Variants in FBXW7 observed in about 807,000 individuals in gnomAD.
The protein encoded by FBXW7 is F-box and WD repeat domain containing 7.
A neutral mutation model predicts 86.3 loss-of-function variants in FBXW7; 11 were observed. The observed-to-expected ratio is 0.13, with a 90% CI of 0.08 to 0.21. FBXW7 has a LOEUF of 0.21. Ranked by LOEUF, FBXW7 falls within the 10% of genes least tolerant of loss-of-function variation. The pLI is 1.00. For missense variants in FBXW7, 488 were observed against 847.4 expected (o/e 0.58, Z 5.27); for synonymous variants, 313 against 297.9 (o/e 1.05, Z -0.52).
At chr4:152,457,942 A>AAAAAAAAAGT (rs1742582910) in intron 2 of FBXW7, among the ~76,000 whole-genome samples, 1 of 151,986 alleles carries the variant, frequency 6.6e-6, no homozygotes, top group Non-Finnish European at 1.5e-5. Flanking sequence ...CCTACTAAAA[A>AAAAAAAAAGT]AAAAAAAAGT....
intron 2 of FBXW7, among the ~76,000 whole-genome samples, chr4:152,523,812 C>A (rs940666046): frequency 6.6e-6 from 1 of 152,162 alleles, no homozygotes; most frequent in Non-Finnish European, 1.5e-5. Flanking sequence ...GACACATCAT[C>A]TATTTTGTTT....
chr4:152,439,200 T>C (rs190447287), intron 2 of FBXW7, among the ~76,000 whole-genome samples: 122 of 152,162 alleles, frequency 8.0e-4, no homozygotes, highest in East Asian at 1.4e-3. Context: ...TGAGTACAGA[T>C]AGAAAATCCA....
At chr4:152,350,173 T>C (rs750773699) in intron 4 of FBXW7, 49 bp from the exon 5 acceptor site, 1 of 1,142,068 alleles carries the variant, frequency 8.8e-7, no homozygotes, top group Admixed American at 2.2e-5. Flanking sequence ...CGTCTAACTA[T>C]CAAATCTTGA....
At chr4:152,432,286 AC>A (rs2126953118) in intron 2 of FBXW7, among the ~76,000 whole-genome samples, 1 of 152,312 alleles carries the variant, frequency 6.6e-6, no homozygotes, top group Non-Finnish European at 1.5e-5. Context: ...ACGTGAGCAT[AC>A]CTGATATTAG....
intron 5 of FBXW7, among the ~76,000 whole-genome samples, chr4:152,349,254 T>C (rs566524809): frequency 6.6e-6 from 1 of 152,004 alleles, no homozygotes; most frequent in African/African-American, 2.4e-5. Flanking sequence ...TTTCTACTGT[T>C]AACTTTCAAT....
chr4:152,420,926 AAG>A (rs1300066650), intron 2 of FBXW7, among the ~76,000 whole-genome samples: 1 of 152,132 alleles, frequency 6.6e-6, no homozygotes, highest in Non-Finnish European at 1.5e-5. Flanking sequence ...AGCCCCTAAC[AAG>A]AGAGTCAGCC....
chr4:152,383,785 T>C (rs868498482), intron 4 of FBXW7, among the ~76,000 whole-genome samples: 2 of 152,134 alleles, frequency 1.3e-5, no homozygotes, highest in African/African-American at 4.8e-5. Context: ...GCACAAGAAA[T>C]AGTCCCATTC....
intron 4 of FBXW7, among the ~76,000 whole-genome samples, chr4:152,368,634 T>C (rs1579012238): frequency 6.6e-6 from 1 of 152,116 alleles, no homozygotes; most frequent in Non-Finnish European, 1.5e-5. Flanking sequence ...GTATGTTACA[T>C]TTCTTAATTA....
rs773204281 is a variant in FBXW7, at chr4:152,450,971, T to C, written c.-119-38442A>G. 9.0e-4 allele frequency among the ~76,000 whole-genome samples: 137 copies of C among 152,344 alleles called. 1 individual carries two copies. Among genetic ancestry groups the C allele is most frequent in the Non-Finnish European group, 5.4e-4 (37 of 68,030 alleles). On this transcript the variant is annotated intron_variant, in intron 2 of 13. Transcript: ENST00000281708. Reference sequence around the variant, plus strand: ...CTTATATTAATTATAACTTAGAGTATAAGCAATATGACGTATTTTCATTAT... The same window carrying C: ...CTTATATTAATTATAACTTAGAGTACAAGCAATATGACGTATTTTCATTAT...
At chr4:152,496,200 T>G (rs566252226) in intron 2 of FBXW7, among the ~76,000 whole-genome samples, 19 of 151,932 alleles carry the variant, frequency 1.3e-4, no homozygotes, top group African/African-American at 4.4e-4. Flanking sequence ...CAAAAACAAC[T>G]AAGAATTCAG....
rs998657632 is a variant in FBXW7, at chr4:152,451,398, G to A, written c.-119-38869C>T. Among the ~76,000 whole-genome samples the A allele has an allele frequency of 7.9e-5, 12 of 152,146 alleles. No individual in the cohort carries two copies. The South Asian group carries it at 8.3e-4, about 11-fold the overall frequency. On this transcript the variant is annotated intron_variant, in intron 2 of 13. Coordinates refer to ENST00000281708, the MANE Select transcript of FBXW7 (RefSeq NM_001349798.2). ...TCTTAAATGGTAGTCTAAAAGATGTGAAATCTACAAACACAACCCTGAACA... is the reference window on the plus strand; with the variant it reads ...TCTTAAATGGTAGTCTAAAAGATGTAAAATCTACAAACACAACCCTGAACA...
rs1238491913 is a variant in FBXW7, at chr4:152,320,603, T to C, written c.*2278A>G. 1 of 152,026 alleles carries C rather than the reference T, an allele frequency of 6.6e-6. No individual in the cohort carries two copies. The highest frequency in any genetic ancestry group is 1.5e-5 in the Non-Finnish European group (1 of 68,018). 9.4% of individuals were successfully genotyped at this position (152,026 alleles called of 1,614,324 possible). A position where few individuals can be genotyped will look rare whatever the true frequency, so the allele number is the denominator to read the frequency against. ...ATCATAAAATTTAGATTTTATAAAA[T>C]TTAGATTTGTTGAACAAAACGGCTA... On this transcript the variant is annotated 3_prime_UTR_variant, in exon 14 of 14. Coordinates refer to ENST00000281708, the MANE Select transcript of FBXW7 (RefSeq NM_001349798.2).
chr4:152,463,317 A>C (rs1035872834), intron 2 of FBXW7, among the ~76,000 whole-genome samples: 4 of 152,162 alleles, frequency 2.6e-5, no homozygotes, highest in Non-Finnish European at 5.9e-5. Flanking sequence ...TTTTCTGTGA[A>C]AACTAGGAAA....
At chr4:152,520,651 T>C (rs1748930427) in intron 2 of FBXW7, among the ~76,000 whole-genome samples, 1 of 152,046 alleles carries the variant, frequency 6.6e-6, no homozygotes, top group Non-Finnish European at 1.5e-5. Flanking sequence ...GGCTCCTCCA[T>C]GATGTAAAAA....
intron 2 of FBXW7, among the ~76,000 whole-genome samples, chr4:152,480,250 C>T (rs1429833911): frequency 6.6e-6 from 1 of 152,118 alleles, no homozygotes; most frequent in Admixed American, 6.6e-5. Context: ...ATTATTGTAT[C>T]TGTTATGGTG....
chr4:152,511,027 C>G (rs1747910645), intron 2 of FBXW7, among the ~76,000 whole-genome samples: 1 of 151,784 alleles, frequency 6.6e-6, no homozygotes, highest in African/African-American at 2.4e-5. Flanking sequence ...AAGCCTCAAA[C>G]ACCACGGTTA....
At chr4:152,332,161 A>T (rs1455862060) in intron 8 of FBXW7, among the ~76,000 whole-genome samples, 2 of 152,164 alleles carry the variant, frequency 1.3e-5, no homozygotes, top group African/African-American at 2.4e-5. Flanking sequence ...TACTAAGGAA[A>T]AAAACAGGTT....
intron 2 of FBXW7, among the ~76,000 whole-genome samples, chr4:152,465,916 C>G (rs1743383740): frequency 6.6e-6 from 1 of 150,876 alleles, no homozygotes. Context: ...CCAATGAACA[C>G]CATGATTTTA....
chr4:152,529,797 T>A (rs1749847013), intron 2 of FBXW7, among the ~76,000 whole-genome samples: 1 of 152,014 alleles, frequency 6.6e-6, no homozygotes, highest in African/African-American at 2.4e-5. Flanking sequence ...ATGCATGGCC[T>A]TTGGGGTTAC....
Sources: gnomAD v4.1 joint callset for allele counts (sites outside exome capture counted in the v4.1 genomes callset) on GRCh38, gnomAD v4.1.1 for gene constraint, MANE v1.5 for transcripts, NCBI Gene and HGNC (gene_info 2026-07-23, HGNC 2026-07-21) for gene names.